The following DGKD variants were observed in gnomAD, a reference collection of about 807,000 sequenced individuals.
DGKD encodes DAG kinase delta.
DGKD carries 68 observed loss-of-function variants against 154.4 expected under a neutral mutation model. The ratio of observed to expected loss-of-function variants is 0.44; its 90% CI spans 0.36 to 0.54. The LOEUF is 0.54. Ranked by LOEUF, DGKD falls within the 20% of genes least tolerant of loss-of-function variation. The pLI is 0.00. For synonymous variants in DGKD, 693 were observed against 638.0 expected, an observed-to-expected ratio of 1.09 and a Z score of -1.30; for missense variants, 1,343 against 1,593.6, an observed-to-expected ratio of 0.84 and a Z score of 2.68.
chr2:233,370,570 C>CTTTTTTTTTTTTTTTTTTTTTTTT (rs56301429), intron 1 of DGKD, among the ~76,000 whole-genome samples: 3 of 123,344 alleles, frequency 2.4e-5, no homozygotes, highest in Non-Finnish European at 3.4e-5. Context: ...AGAACTTCTT[C>CTTTTTTTTTTTTTTTTTTTTTTTT]TTTTTTTTTT....
Position 233,441,843 on chromosome 2 carries a change from T to C in DGKD, c.1086-44T>C, listed in dbSNP as rs777949490. On this transcript the variant is annotated intron_variant, in intron 9 of 29. Coordinates refer to ENST00000264057, the MANE Select transcript of DGKD (RefSeq NM_152879.3). The surrounding 1 kb of genome is among the most constrained non-coding windows in gnomAD (Gnocchi z 5.6). ...GTACTGACAAGCCTGTCATTTGTCC[T>C]GTGGAATGGATGTCATTTCACGGCC... The C allele has an allele frequency of 3.4e-5, 53 of 1,567,752 alleles. No homozygotes were observed. The highest frequency in any genetic ancestry group is 3.9e-5 in the Non-Finnish European group (45 of 1,144,344).
At chr2:233,360,887 A>G (rs1286848704) in intron 1 of DGKD, among the ~76,000 whole-genome samples, 1 of 152,078 alleles carries the variant, frequency 6.6e-6, no homozygotes, top group East Asian at 1.9e-4. Flanking sequence ...GCTGGAAGAG[A>G]TAACAGATGG....
chr2:233,401,844 C>T (rs891910613), intron 3 of DGKD, among the ~76,000 whole-genome samples: 33 of 143,886 alleles, frequency 2.3e-4, no homozygotes, highest in Admixed American at 1.4e-3. Context: ...CACTTGAACC[C>T]GGGAGGCAGA....
chr2:233,385,970 G>T (rs1178280209), intron 1 of DGKD: 1 of 470,786 alleles, frequency 2.1e-6, no homozygotes, highest in Admixed American at 2.4e-5. Flanking sequence ...ACTCTCATCC[G>T]CCCTCAGAAA....
chr2:233,469,226 C>T lies in DGKD; in HGVS notation c.3556-145C>T, dbSNP rs1041425977. The T allele has an allele frequency of 8.8e-6, 6 of 678,230 alleles. No individual in the cohort carries two copies. The African/African-American group carries it at 1.1e-4, about 12-fold the overall frequency. 42.0% of individuals were successfully genotyped at this position (678,230 alleles called of 1,614,324 possible). ...TATGGTTGTTACTTTTAAGCTGTTT[C>T]CATCTTGTTTTACCGTTTTTGTCAT... On this transcript the variant is annotated intron_variant, in intron 29 of 29. Transcript: ENST00000264057.
At chr2:233,412,431 A>T (rs2061851789) in intron 3 of DGKD, among the ~76,000 whole-genome samples, 2 of 152,236 alleles carry the variant, frequency 1.3e-5, no homozygotes, top group Admixed American at 1.3e-4. Context: ...CTGCTAATAT[A>T]TAAGAATACA....
At chr2:233,453,436 TCTTC>T (rs914780927) in intron 18 of DGKD, among the ~76,000 whole-genome samples, 8 of 152,228 alleles carry the variant, frequency 5.3e-5, no homozygotes, top group African/African-American at 1.9e-4. Context: ...AGGCACTTGG[TCTTC>T]CCCCTGGTAA....
At chr2:233,402,464 C>T (rs563510478) in intron 3 of DGKD, among the ~76,000 whole-genome samples, 1 of 152,272 alleles carries the variant, frequency 6.6e-6, no homozygotes, top group African/African-American at 2.4e-5. Flanking sequence ...GTGCTCTGCC[C>T]TTTGGGGTGA....
rs532569351 is a variant in DGKD at position 233,463,459 on chromosome 2, C to T, written c.3187-705C>T. Among the ~76,000 whole-genome samples the T allele has an allele frequency of 3.5e-3, 429 of 121,148 alleles. 3 individuals carry two copies. Among genetic ancestry groups the T allele is most frequent in the Non-Finnish European group, 5.9e-3 (355 of 60,038 alleles). The allele number at this position is 121,148 out of a possible 152,430, so 79.5% of individuals were successfully genotyped here. ...TCACTCCACGCATCTCCTCACTCCACGCATGTCCTCACTGCACGCATGTCC... is the reference window on the plus strand; with the variant it reads ...TCACTCCACGCATCTCCTCACTCCATGCATGTCCTCACTGCACGCATGTCC... On this transcript the variant is annotated intron_variant, in intron 26 of 29. Coordinates refer to ENST00000264057, the MANE Select transcript of DGKD (RefSeq NM_152879.3).
chr2:233,465,055 C>T (rs116663413), intron 27 of DGKD, among the ~76,000 whole-genome samples: 3,038 of 152,316 alleles, frequency 0.02, 49 homozygotes, highest in Non-Finnish European at 0.028. Flanking sequence ...ACCCTCTTTC[C>T]GGGGCCCTGG....
intron 10 of DGKD, among the ~76,000 whole-genome samples, chr2:233,444,303 C>G (rs1386277440): frequency 6.6e-6 from 1 of 152,102 alleles, no homozygotes; most frequent in Non-Finnish European, 1.5e-5. Context: ...GTCCTCAGTC[C>G]TGCCACCCAC....
intron 24 of DGKD, 99 bp downstream of exon 24, chr2:233,460,444 C>T (rs2063592860): frequency 1.4e-6 from 2 of 1,471,902 alleles, no homozygotes; most frequent in Non-Finnish European, 1.8e-6. Context: ...CTGCTCCTGA[C>T]TTTTGTGGGG....
intron 5 of DGKD, 113 bp downstream of exon 5, chr2:233,435,014 T>C: frequency 6.9e-7 from 1 of 1,458,816 alleles, no homozygotes; most frequent in Non-Finnish European, 9.2e-7. Flanking sequence ...ACCCATGTGG[T>C]CAGTCAAGGG....
chr2:233,458,173 A>G lies in DGKD; in HGVS notation c.2581-111A>G. On this transcript the variant is annotated intron_variant, in intron 21 of 29. Coordinates refer to ENST00000264057, the MANE Select transcript of DGKD (RefSeq NM_152879.3). This position sits in a 1 kb window ranked among gnomAD's most constrained non-coding sequence, Gnocchi z 6.6. The stretch of plus-strand genomic sequence containing the variant: ...CCGTCAGGAGTGCAGTTACCTGGTA[A>G]CTTCTCGCCAGCTAGGAGGGGCTGA... The G allele has an allele frequency of 1.6e-6, 1 of 620,514 alleles. No individual in the cohort carries two copies. Among genetic ancestry groups the G allele is most frequent in the East Asian group, 2.8e-5 (1 of 35,644 alleles). 38.4% of individuals were successfully genotyped at this position (620,514 alleles called of 1,614,324 possible).
intron 3 of DGKD, among the ~76,000 whole-genome samples, chr2:233,391,234 A>T (rs1204753620): frequency 6.6e-6 from 1 of 152,176 alleles, no homozygotes; most frequent in Non-Finnish European, 1.5e-5. Context: ...AAATTTATAA[A>T]AGTTATGTAG....
At chr2:233,462,886 C>A in intron 26 of DGKD, 151 bp downstream of exon 26, 1 of 694,748 alleles carries the variant, frequency 1.4e-6, no homozygotes, top group Non-Finnish European at 2.5e-6. Context: ...TGTTGTGCGG[C>A]TGGTGCCCAC....
intron 3 of DGKD, among the ~76,000 whole-genome samples, chr2:233,410,943 A>G (rs370209928): frequency 1.3e-5 from 2 of 152,150 alleles, no homozygotes; most frequent in South Asian, 2.1e-4. Context: ...TCTGCATTTT[A>G]AAAAGAATGC....
chr2:233,357,537 C>CTTTTT (rs374813757), intron 1 of DGKD, among the ~76,000 whole-genome samples: 3 of 129,194 alleles, frequency 2.3e-5, no homozygotes, highest in Admixed American at 7.7e-5. Flanking sequence ...TTCTTTCTTT[C>CTTTTT]TTTTTTTTTT....
intron 1 of DGKD, among the ~76,000 whole-genome samples, chr2:233,363,342 TAAAA>T (rs889007431): frequency 1.3e-5 from 2 of 152,026 alleles, no homozygotes; most frequent in Non-Finnish European, 2.9e-5. Context: ...GTAAAATAAT[TAAAA>T]AAATTAAAAA....
Sources: allele counts gnomAD v4.1 joint callset (sites outside exome capture counted in the v4.1 genomes callset), GRCh38; gene constraint gnomAD v4.1.1; non-coding constraint Gnocchi (gnomAD v3.1); transcripts MANE v1.5; gene names NCBI Gene and HGNC (gene_info 2026-07-23, HGNC 2026-07-21).